The following GRM7 variants were observed in gnomAD, a reference collection of about 807,000 sequenced individuals.
GRM7 encodes metabotropic glutamate receptor 7.
In GRM7, 35 loss-of-function variants were observed where a neutral mutation model predicts 84.5. The observed-to-expected ratio is 0.41, with a 90% CI of 0.32 to 0.55. GRM7 has a LOEUF of 0.55. Among genes scored for constraint, GRM7 ranks in the 20% least tolerant of loss-of-function variants. GRM7 has a pLI of 0.19. For missense variants in GRM7, 1,003 were observed against 1,194.6 expected (o/e 0.84, Z 2.36); for synonymous variants, 487 against 455.1 (o/e 1.07, Z -0.89).
At chr3:7,234,967 T>C (rs1344862176) in intron 2 of GRM7, among the ~76,000 whole-genome samples, 1 of 152,240 alleles carries the variant, frequency 6.6e-6, no homozygotes, top group African/African-American at 2.4e-5. Context: ...TCCATCGTTT[T>C]CTTGCCTGTA....
chr3:7,048,746 A>C lies in GRM7; in HGVS notation c.520-97706A>C, dbSNP rs536377131. Among the ~76,000 whole-genome samples, 14 of 152,080 alleles carry C rather than the reference A, an allele frequency of 9.2e-5. No individual in the cohort carries two copies. The East Asian group carries it at 2.5e-3, about 27-fold the overall frequency. Reference sequence around the variant, plus strand: ...TACTCTTTGTGGTACGAACACTTAAAGTCTGTCTTGGCAATTTTCAAGATT... The same window carrying C: ...TACTCTTTGTGGTACGAACACTTAACGTCTGTCTTGGCAATTTTCAAGATT... On this transcript the variant is annotated intron_variant, in intron 1 of 9. Transcript: ENST00000357716.
chr3:7,383,401 T>G (rs1025828123), intron 4 of GRM7, among the ~76,000 whole-genome samples: 4 of 152,180 alleles, frequency 2.6e-5, no homozygotes, highest in Non-Finnish European at 5.9e-5. Context: ...AAATTAAGCT[T>G]TGTGATCCAA....
intron 1 of GRM7, among the ~76,000 whole-genome samples, chr3:7,026,603 A>C (rs1323354878): frequency 2.6e-5 from 4 of 152,212 alleles, no homozygotes; most frequent in African/African-American, 9.7e-5. Context: ...TCTTCCTGGC[A>C]CACAAGAGAG....
intron 5 of GRM7, among the ~76,000 whole-genome samples, chr3:7,431,304 C>T (rs1343637007): frequency 1.3e-5 from 2 of 151,994 alleles, no homozygotes; most frequent in African/African-American, 4.8e-5. Context: ...TGAAAGAATC[C>T]AGACCCCCAA....
At chr3:6,910,550 C>T (rs1449294836) in intron 1 of GRM7, among the ~76,000 whole-genome samples, 2 of 152,086 alleles carry the variant, frequency 1.3e-5, no homozygotes, top group East Asian at 1.9e-4. Flanking sequence ...AAAATCATGA[C>T]CTCCACCTAA....
In GRM7 at chr3:7,501,194, G is replaced by C. The variant is rs148564212; in HGVS notation, c.1515+39472G>C. Among the ~76,000 whole-genome samples the C allele has an allele frequency of 1.8e-4, 27 of 152,284 alleles. 2 individuals carry two copies. The highest frequency in any genetic ancestry group is 6.3e-4 in the African/African-American group (26 of 41,556). On this transcript the variant is annotated intron_variant, in intron 7 of 9. Coordinates refer to ENST00000357716, the MANE Select transcript of GRM7 (RefSeq NM_000844.4). Reference sequence around the variant, plus strand: ...TCTGATTCTAAAACAAGCCCATAAAGTAGATAATATCATTATCCTCATTTC... The same window carrying C: ...TCTGATTCTAAAACAAGCCCATAAACTAGATAATATCATTATCCTCATTTC...
intron 9 of GRM7, among the ~76,000 whole-genome samples, chr3:7,724,953 T>A (rs368720460): frequency 1.4e-5 from 2 of 145,956 alleles, no homozygotes; most frequent in South Asian, 4.4e-4. Flanking sequence ...ATTTTTTTTT[T>A]ATTTTTTACA....
At chr3:7,234,614 C>A (rs1697292235) in intron 2 of GRM7, among the ~76,000 whole-genome samples, 1 of 152,126 alleles carries the variant, frequency 6.6e-6, no homozygotes, top group Non-Finnish European at 1.5e-5. Flanking sequence ...GATCATACTG[C>A]ATGATTAAAC....
intron 1 of GRM7, among the ~76,000 whole-genome samples, chr3:6,917,029 G>A (rs1449737796): frequency 6.6e-6 from 1 of 151,988 alleles, no homozygotes; most frequent in East Asian, 1.9e-4. Flanking sequence ...ATACTGCCTA[G>A]CGATTCTATT....
chr3:7,024,904 A>C (rs2124918132), intron 1 of GRM7, among the ~76,000 whole-genome samples: 1 of 152,332 alleles, frequency 6.6e-6, no homozygotes, highest in Non-Finnish European at 1.5e-5. Flanking sequence ...GTGGCTTAAA[A>C]CGATGTAAAT....
At chr3:7,332,008 T>C (rs1264412214) in intron 4 of GRM7, among the ~76,000 whole-genome samples, 1 of 152,092 alleles carries the variant, frequency 6.6e-6, no homozygotes, top group African/African-American at 2.4e-5. Flanking sequence ...TCAGAAGTAA[T>C]GGTAGGAAAC....
chr3:7,524,993 G>T (rs1236044293), intron 7 of GRM7, among the ~76,000 whole-genome samples: 36 of 150,108 alleles, frequency 2.4e-4, no homozygotes, highest in African/African-American at 4.5e-4. Context: ...GAAATCATCA[G>T]TCTCAGTAAA....
In GRM7 at chr3:7,235,190, G is replaced by A. The variant is rs544068668; in HGVS notation, c.737-63494G>A. ...CTAGACGGTAAAGTGCAGGATCTGC[G>A]AGTGCCTTCCTTCCTTTGTATTTCC... On this transcript the variant is annotated intron_variant, in intron 2 of 9. Transcript: ENST00000357716. Among the ~76,000 whole-genome samples the A allele has an allele frequency of 3.9e-5, 6 of 152,268 alleles. No individual in the cohort carries two copies. The South Asian group carries it at 6.2e-4, about 16-fold the overall frequency.
At chr3:7,670,086 C>CACATT (rs1285846167) in intron 8 of GRM7, among the ~76,000 whole-genome samples, 1 of 152,178 alleles carries the variant, frequency 6.6e-6, no homozygotes, top group African/African-American at 2.4e-5. Context: ...CAACACACGG[C>CACATT]ACATTACCTA....
chr3:7,482,893 C>A (rs1699185428), intron 7 of GRM7, among the ~76,000 whole-genome samples: 1 of 152,100 alleles, frequency 6.6e-6, no homozygotes, highest in South Asian at 2.1e-4. Flanking sequence ...AAATAAGTGA[C>A]ATTAAATAAA....
chr3:7,155,669 T>G (rs893618843), intron 2 of GRM7, among the ~76,000 whole-genome samples: 14 of 152,308 alleles, frequency 9.2e-5, no homozygotes, highest in Admixed American at 2.6e-4. Context: ...CAAAGGGATC[T>G]GTTTTCCTTT....
At chr3:7,293,331 C>G (rs977058363) in intron 2 of GRM7, among the ~76,000 whole-genome samples, 3 of 152,090 alleles carry the variant, frequency 2.0e-5, no homozygotes, top group African/African-American at 4.8e-5. Flanking sequence ...GAAAACTGAC[C>G]AGTTTTCAGC....
At chr3:6,945,484 C>T (rs578088635) in intron 1 of GRM7, among the ~76,000 whole-genome samples, 45 of 152,102 alleles carry the variant, frequency 3.0e-4, no homozygotes, top group South Asian at 2.1e-4. Flanking sequence ...TCAGTTGGTT[C>T]CAAGTCTTTG....
At chr3:7,216,261 C>T (rs1032075916) in intron 2 of GRM7, among the ~76,000 whole-genome samples, 1 of 152,070 alleles carries the variant, frequency 6.6e-6, no homozygotes, top group South Asian at 2.1e-4. Context: ...GTAAATGTCT[C>T]GTGTCTTTGC....
Sources: gnomAD v4.1 joint callset for allele counts (sites outside exome capture counted in the v4.1 genomes callset) on GRCh38, gnomAD v4.1.1 for gene constraint, MANE v1.5 for transcripts, NCBI Gene and HGNC (gene_info 2026-07-23, HGNC 2026-07-21) for gene names.